The following RBFOX1 variants were observed in gnomAD, a reference collection of about 807,000 sequenced individuals.
RBFOX1 encodes the protein RNA binding protein fox-1 homolog 1.
In RBFOX1, 8 loss-of-function variants were observed where a neutral mutation model predicts 57.7. That is an observed-to-expected ratio of 0.14 (90% CI 0.08 to 0.25). The LOEUF (loss-of-function observed/expected upper bound fraction) is 0.25, where lower values mean the gene tolerates loss of function less well. Ranked by LOEUF, RBFOX1 falls within the 10% of genes least tolerant of loss-of-function variation. The probability of loss-of-function intolerance (pLI) is 1.00; values close to 1 mark genes in which losing one functional copy is unlikely to be tolerated. For missense variants in RBFOX1, 611 were observed against 548.5 expected, an observed-to-expected ratio of 1.11 and a Z score of -1.14; for synonymous variants, 326 against 222.4, an observed-to-expected ratio of 1.47 and a Z score of -4.15.
chr16:5,822,280 G>T (rs192557583), intron 3 of RBFOX1, among the ~76,000 whole-genome samples: 4 of 152,252 alleles, frequency 2.6e-5, no homozygotes, highest in African/African-American at 9.6e-5. Flanking sequence ...TGGGGACTTG[G>T]GGGGAATAGG....
intron 1 of RBFOX1, among the ~76,000 whole-genome samples, chr16:6,251,667 T>C (rs192994174): frequency 9.9e-5 from 15 of 152,206 alleles, no homozygotes; most frequent in African/African-American, 3.1e-4. Flanking sequence ...GCACAGAGTT[T>C]GGTGCATCAG....
chr16:6,024,607 G>T (rs944795144), intron 1 of RBFOX1, among the ~76,000 whole-genome samples: 14 of 152,140 alleles, frequency 9.2e-5, no homozygotes, highest in Non-Finnish European at 2.1e-4. Context: ...TTATGCTTCA[G>T]CCTCCTGAGT....
At chr16:6,943,329 G>T (rs1392626588) in intron 3 of RBFOX1, among the ~76,000 whole-genome samples, 1 of 152,182 alleles carries the variant, frequency 6.6e-6, no homozygotes, top group Non-Finnish European at 1.5e-5. Flanking sequence ...GCTTGAAAAG[G>T]ACTGCATACT....
intron 4 of RBFOX1, chr16:7,304,594 GC>G: frequency 2.0e-6 from 2 of 985,082 alleles, no homozygotes; most frequent in Non-Finnish European, 1.2e-6. Context: ...TGAGGAGGGG[GC>G]TCCCGCGTTG....
chr16:6,347,762 A>G (rs1282776023), intron 2 of RBFOX1, among the ~76,000 whole-genome samples: 1 of 152,236 alleles, frequency 6.6e-6, no homozygotes, highest in Non-Finnish European at 1.5e-5. Context: ...GTGCTTGGAA[A>G]CATCAAAATT....
chr16:5,274,801 G>A (rs1453857417), intron 1 of RBFOX1, among the ~76,000 whole-genome samples: 1 of 152,206 alleles, frequency 6.6e-6, no homozygotes, highest in East Asian at 1.9e-4. Flanking sequence ...CTCTGGCAGA[G>A]CCAGCCAGGT....
At chr16:5,367,468 G>A (rs1263544770) in intron 1 of RBFOX1, among the ~76,000 whole-genome samples, 1 of 152,190 alleles carries the variant, frequency 6.6e-6, no homozygotes, top group Admixed American at 6.5e-5. Flanking sequence ...TGGAGGGGAT[G>A]TGGGTTCTCA....
chr16:7,196,514 C>T (rs1438791705), intron 4 of RBFOX1, among the ~76,000 whole-genome samples: 1 of 152,214 alleles, frequency 6.6e-6, no homozygotes, highest in Admixed American at 6.6e-5. Flanking sequence ...CTACAATGTG[C>T]AGGTTAGTGC....
chr16:6,709,924 C>T (rs1297239073), intron 3 of RBFOX1, among the ~76,000 whole-genome samples: 1 of 152,086 alleles, frequency 6.6e-6, no homozygotes, highest in South Asian at 2.1e-4. Flanking sequence ...TAACGGGGCC[C>T]TTTTGAGGTG....
intron 3 of RBFOX1, among the ~76,000 whole-genome samples, chr16:6,918,760 A>T (rs2073824374): frequency 6.6e-6 from 1 of 152,160 alleles, no homozygotes; most frequent in African/African-American, 2.4e-5. Flanking sequence ...CGTTGATATT[A>T]TGGTTAATTA....
intron 4 of RBFOX1, among the ~76,000 whole-genome samples, chr16:7,100,008 G>C (rs115449817): frequency 6.6e-6 from 1 of 151,890 alleles, no homozygotes; most frequent in African/African-American, 2.4e-5. Context: ...CAGTCTTTCA[G>C]GTTAAACTTT....
chr16:7,232,329 T>C (rs1235939422), intron 4 of RBFOX1, among the ~76,000 whole-genome samples: 1 of 152,190 alleles, frequency 6.6e-6, no homozygotes, highest in Non-Finnish European at 1.5e-5. Flanking sequence ...TTAAGTGAGA[T>C]ATATAACTTG....
chr16:5,471,264 C>G (rs556737604), intron 2 of RBFOX1, among the ~76,000 whole-genome samples: 9 of 152,196 alleles, frequency 5.9e-5, no homozygotes, highest in Non-Finnish European at 1.0e-4. Context: ...GAGGAAATGG[C>G]GTTCTGTTCC....
At chr16:7,606,525 G>C (rs2095292732) in intron 9 of RBFOX1, among the ~76,000 whole-genome samples, 1 of 152,186 alleles carries the variant, frequency 6.6e-6, no homozygotes, top group African/African-American at 2.4e-5. Context: ...ATAATGCCCA[G>C]CATATATGTA....
At chr16:5,334,119 A>C (rs1299913647) in intron 1 of RBFOX1, among the ~76,000 whole-genome samples, 1 of 152,186 alleles carries the variant, frequency 6.6e-6, no homozygotes, top group African/African-American at 2.4e-5. Context: ...AGAGCTTATC[A>C]CAGGCTTGGA....
At chr16:7,559,388 C>T (rs948849671) in intron 5 of RBFOX1, among the ~76,000 whole-genome samples, 2 of 152,288 alleles carry the variant, frequency 1.3e-5, no homozygotes, top group East Asian at 1.9e-4. Context: ...AACTAGGGCA[C>T]ATCTGAGATC....
intron 4 of RBFOX1, among the ~76,000 whole-genome samples, chr16:7,082,692 T>A (rs1201396740): frequency 6.6e-6 from 1 of 152,246 alleles, no homozygotes; most frequent in African/African-American, 2.4e-5. Flanking sequence ...AGACTTTCTT[T>A]CATAAAGTTT....
intron 4 of RBFOX1, among the ~76,000 whole-genome samples, chr16:7,313,556 C>A (rs115707323): frequency 5.3e-5 from 8 of 150,490 alleles, no homozygotes; most frequent in Admixed American, 3.3e-4. Context: ...CTTGTAAGAC[C>A]ATTTAGGTAA....
At chr16:6,873,106 A>C (rs111985276) in intron 3 of RBFOX1, among the ~76,000 whole-genome samples, 3,859 of 151,740 alleles carry the variant, frequency 0.025, 159 homozygotes, top group African/African-American at 0.087. Context: ...TTCTTACTTG[A>C]GAAACTTTTA....
Sources: allele counts gnomAD v4.1 joint callset (sites outside exome capture counted in the v4.1 genomes callset), GRCh38; gene constraint gnomAD v4.1.1; transcripts MANE v1.5; gene names NCBI Gene and HGNC (gene_info 2026-07-23, HGNC 2026-07-21).